TAF4B: variants seen among roughly 807,000 people sequenced by gnomAD.
TAF4B encodes the protein transcription initiation factor TFIID subunit 4B.
TAF4B carries 38 observed loss-of-function variants against 86.4 expected under a neutral mutation model. The ratio of observed to expected loss-of-function variants is 0.44; its 90% CI spans 0.34 to 0.58. The LOEUF is 0.58. TAF4B is among the 20% of genes least tolerant of loss of function. The probability of loss-of-function intolerance (pLI) is 0.02; values close to 1 mark genes in which losing one functional copy is unlikely to be tolerated. For missense variants in TAF4B, 988 were observed against 1,027.6 expected (o/e 0.96, Z 0.53); for synonymous variants, 388 against 391.2 (o/e 0.99, Z 0.10).
chr18:26,305,553 C>T (rs77487251), intron 9 of TAF4B, among the ~76,000 whole-genome samples: 12,037 of 152,134 alleles, frequency 0.079, 1,450 homozygotes, highest in African/African-American at 0.26. Flanking sequence ...ACTACAGGCA[C>T]GCGCCACCAC....
intron 5 of TAF4B, among the ~76,000 whole-genome samples, chr18:26,280,839 C>T (rs1353628407): frequency 6.6e-6 from 1 of 152,142 alleles, no homozygotes; most frequent in African/African-American, 2.4e-5. Flanking sequence ...ATAAAAAAGA[C>T]ATATGCACTT....
intron 9 of TAF4B, among the ~76,000 whole-genome samples, chr18:26,295,621 G>A (rs913035264): frequency 1.3e-5 from 2 of 152,154 alleles, no homozygotes; most frequent in African/African-American, 4.8e-5. Flanking sequence ...AACAGGCTAC[G>A]GACTGCTACC....
At chr18:26,363,450 G>A (rs558157045) in intron 14 of TAF4B, among the ~76,000 whole-genome samples, 128 of 151,742 alleles carry the variant, frequency 8.4e-4, no homozygotes, top group Non-Finnish European at 9.3e-4. Context: ...GAGGGCTTAG[G>A]AGGGAGGATA....
At chr18:26,245,786 T>G (rs1399783600) in intron 1 of TAF4B, among the ~76,000 whole-genome samples, 1 of 152,258 alleles carries the variant, frequency 6.6e-6, no homozygotes, top group Non-Finnish European at 1.5e-5. Flanking sequence ...GAAGTCCAGC[T>G]GGCTTCACCT....
intron 10 of TAF4B, 140 bp downstream of exon 10, chr18:26,315,538 C>CT: frequency 1.9e-6 from 1 of 529,190 alleles, no homozygotes; most frequent in Non-Finnish European, 3.1e-6. Context: ...ATTTCATGGG[C>CT]ATTACAGAAA....
At chr18:26,366,499 T>G (rs1676987) in intron 14 of TAF4B, 54,489 of 151,878 alleles carry the variant, frequency 0.36, 11,711 homozygotes, top group East Asian at 0.81. Context: ...AATGATTATT[T>G]ATTTAGGGGG....
intron 13 of TAF4B, among the ~76,000 whole-genome samples, chr18:26,352,510 T>C (rs1242219390): frequency 2.0e-5 from 3 of 152,080 alleles, no homozygotes; most frequent in Non-Finnish European, 4.4e-5. Context: ...CATCGAGAAC[T>C]TTTCATAAGA....
rs761931979 is a variant in TAF4B at position 26,335,219 on chromosome 18, G to A, written c.2304G>A (p.Gln768=). Residue 768 remains glutamine, a synonymous_variant, in exon 13 of 15, where the codon CAG becomes CAA. Coordinates refer to ENST00000269142, the MANE Select transcript of TAF4B (RefSeq NM_005640.3). ...KEDPEQLRLK[Q]KAKELQQLEL... Reference sequence around the variant, plus strand: ...ATCCAGAACAGCTGAGATTAAAGCAGAAAGCCAAAGAGGTAGGACTTTCAA... The same window carrying A: ...ATCCAGAACAGCTGAGATTAAAGCAAAAAGCCAAAGAGGTAGGACTTTCAA... The A allele has an allele frequency of 1.9e-6, 3 of 1,612,564 alleles. No homozygotes were observed. Among genetic ancestry groups the A allele is most frequent in the Non-Finnish European group, 2.5e-6 (3 of 1,178,858 alleles).
chr18:26,343,615 A>G (rs1249312240), intron 13 of TAF4B, among the ~76,000 whole-genome samples: 2 of 152,252 alleles, frequency 1.3e-5, no homozygotes, highest in African/African-American at 4.8e-5. Context: ...TAGAATACCC[A>G]GAGTTTCATA....
intron 1 of TAF4B, among the ~76,000 whole-genome samples, chr18:26,241,161 A>C (rs2055832540): frequency 6.6e-6 from 1 of 152,206 alleles, no homozygotes; most frequent in Non-Finnish European, 1.5e-5. Flanking sequence ...AAGGAATGGT[A>C]GCAGCTCCCA....
intron 9 of TAF4B, among the ~76,000 whole-genome samples, chr18:26,303,954 C>T (rs2056768314): frequency 6.6e-6 from 1 of 151,912 alleles, no homozygotes; most frequent in Non-Finnish European, 1.5e-5. Context: ...TGATTTGTTG[C>T]ATTTATCTGT....
chr18:26,335,492 A>G (rs2144698177), intron 13 of TAF4B, among the ~76,000 whole-genome samples: 1 of 152,338 alleles, frequency 6.6e-6, no homozygotes, highest in South Asian at 2.1e-4. Context: ...TTGGAGGAAT[A>G]TAATGTGAGA....
intron 11 of TAF4B, among the ~76,000 whole-genome samples, chr18:26,323,118 A>G (rs1432992215): frequency 6.6e-6 from 1 of 152,204 alleles, no homozygotes; most frequent in African/African-American, 2.4e-5. Flanking sequence ...TCATTCATTT[A>G]AAATGTACTG....
chr18:26,350,613 C>T lies in TAF4B; in HGVS notation c.2317-7077C>T, dbSNP rs1390880973. The stretch of plus-strand genomic sequence containing the variant: ...ATCACTTGAGCCCAGGAGATTGAGG[C>T]TGCTGTGAGCCATGATCATGGTACT... On this transcript the variant is annotated intron_variant, in intron 13 of 14. Coordinates refer to ENST00000269142, the MANE Select transcript of TAF4B (RefSeq NM_005640.3). Among the ~76,000 whole-genome samples, 3 of 152,150 alleles carry T rather than the reference C, an allele frequency of 2.0e-5. No homozygotes were observed. In the East Asian group the frequency reaches 5.8e-4, roughly 29 times the overall value.
chr18:26,261,666 T>G (rs2144528926), intron 1 of TAF4B, among the ~76,000 whole-genome samples: 1 of 152,342 alleles, frequency 6.6e-6, no homozygotes, highest in East Asian at 1.9e-4. Flanking sequence ...TCTGATCCAA[T>G]TAAATTTGGG....
Position 26,285,931 on chromosome 18 carries a change from T to C in TAF4B, c.1022T>C (p.Ile341Thr). 1 of 1,614,036 alleles carries C rather than the reference T, an allele frequency of 6.2e-7. No individual in the cohort carries two copies. Among genetic ancestry groups the C allele is most frequent in the Non-Finnish European group, 8.5e-7 (1 of 1,179,956 alleles). The change falls in exon 7 of 15, where the codon ATC becomes ACC. Residue 341 changes from isoleucine (I) to threonine (T), a missense_variant. Physicochemically the swap from Ile to Thr is moderately conservative, Grantham distance 89. Around this residue, in one of 3 missense-constraint regions of TAF4B, gnomAD observed 747 missense variants for 737.9 expected, o/e 1.01. Transcript: ENST00000269142. ...RQLLPNSQSF[I>T]QQCVQQTSSD... ...CTTCTGCCTAACTCCCAGAGCTTCATCCAGCAATGTGTTCAGCAGACTTCT... is the reference window on the plus strand; with the variant it reads ...CTTCTGCCTAACTCCCAGAGCTTCACCCAGCAATGTGTTCAGCAGACTTCT...
intron 5 of TAF4B, among the ~76,000 whole-genome samples, chr18:26,278,616 GTTT>G (rs57064009): frequency 7.1e-6 from 1 of 140,442 alleles, no homozygotes. Context: ...GCCTTCTGTT[GTTT>G]TTTTTTTTTT....
intron 14 of TAF4B, among the ~76,000 whole-genome samples, chr18:26,380,254 A>G (rs1164346513): frequency 6.6e-6 from 1 of 152,178 alleles, no homozygotes; most frequent in Non-Finnish European, 1.5e-5. Context: ...AATTGCCTGT[A>G]ATTAACCTTA....
intron 14 of TAF4B, among the ~76,000 whole-genome samples, chr18:26,388,870 C>T (rs965440030): frequency 6.6e-6 from 1 of 152,162 alleles, no homozygotes; most frequent in Admixed American, 6.5e-5. Flanking sequence ...GGCAGGAATG[C>T]AGTGGCGCGA....
Sources: allele counts gnomAD v4.1 joint callset (sites outside exome capture counted in the v4.1 genomes callset), GRCh38; gene constraint gnomAD v4.1.1; regional missense constraint gnomAD v4.1.1; transcripts MANE v1.5; gene names NCBI Gene and HGNC (gene_info 2026-07-23, HGNC 2026-07-21).